Variants in ANKRD44 observed in about 807,000 individuals in gnomAD.
ANKRD44 encodes serine/threonine-protein phosphatase 6 regulatory ankyrin repeat subunit B.
Under a neutral mutation model 116.0 loss-of-function variants are expected in ANKRD44, and 35 were observed. The ratio of observed to expected loss-of-function variants is 0.30; its 90% confidence interval spans 0.23 to 0.40. The LOEUF is 0.40. ANKRD44 is among the 10% of genes least tolerant of loss of function. The probability of loss-of-function intolerance (pLI) is 1.00; values close to 1 mark genes in which losing one functional copy is unlikely to be tolerated. For synonymous variants in ANKRD44, 435 were observed against 461.8 expected, an observed-to-expected ratio of 0.94 and a Z score of 0.74; for missense variants, 1,014 against 1,242.6, an observed-to-expected ratio of 0.82 and a Z score of 2.77.
chr2:196,974,904 A>G (rs1188382606), intron 21 of ANKRD44, among the ~76,000 whole-genome samples: 1 of 152,038 alleles, frequency 6.6e-6, no homozygotes, highest in Non-Finnish European at 1.5e-5. Context: ...AAAAAAAGAA[A>G]AAGAAAACGA....
chr2:197,274,960 G>C (rs2083030596), intron 1 of ANKRD44, among the ~76,000 whole-genome samples: 1 of 152,048 alleles, frequency 6.6e-6, no homozygotes, highest in African/African-American at 2.4e-5. Flanking sequence ...AAATTAGCCA[G>C]GTGTGGTGGC....
intron 7 of ANKRD44, 27 bp downstream of exon 7, chr2:197,122,623 T>C (rs1389727794): frequency 1.8e-5 from 29 of 1,607,060 alleles, no homozygotes; most frequent in Non-Finnish European, 2.4e-5. Flanking sequence ...ACACTGGCCA[T>C]GCATTGATGC....
At chr2:197,055,507 A>C (rs1407856384) in intron 16 of ANKRD44, among the ~76,000 whole-genome samples, 2 of 152,228 alleles carry the variant, frequency 1.3e-5, no homozygotes, top group Non-Finnish European at 2.9e-5. Context: ...ATCTTATTAA[A>C]AAATCTTTTT....
intron 2 of ANKRD44, among the ~76,000 whole-genome samples, chr2:197,159,672 T>C (rs1435477767): frequency 2.0e-5 from 3 of 152,234 alleles, no homozygotes; most frequent in African/African-American, 7.2e-5. Context: ...CATGGCAAAA[T>C]TGTAATTTGT....
chr2:197,077,351 T>C (rs2077692040), intron 16 of ANKRD44, among the ~76,000 whole-genome samples: 1 of 152,174 alleles, frequency 6.6e-6, no homozygotes, highest in African/African-American at 2.4e-5. Context: ...CCCTATTCCC[T>C]TTTCCCTCCT....
chr2:197,038,400 C>T (rs113456515), intron 16 of ANKRD44, among the ~76,000 whole-genome samples: 145 of 152,240 alleles, frequency 9.5e-4, no homozygotes, highest in Non-Finnish European at 1.0e-3. Context: ...AACAAATAAA[C>T]AAACCTGACC....
intron 19 of ANKRD44, among the ~76,000 whole-genome samples, chr2:197,008,630 T>C (rs149942897): frequency 1.3e-5 from 2 of 152,252 alleles, no homozygotes; most frequent in African/African-American, 4.8e-5. Context: ...GGCAATGGTG[T>C]AGCAGCTTCA....
At chr2:197,080,785 C>CTGT (rs2077776323) in intron 15 of ANKRD44, among the ~76,000 whole-genome samples, 1 of 152,038 alleles carries the variant, frequency 6.6e-6, no homozygotes, top group Non-Finnish European at 1.5e-5. Flanking sequence ...CACAGGCATT[C>CTGT]GGGCCACAGA....
chr2:197,141,067 A>G (rs919761653), intron 3 of ANKRD44, among the ~76,000 whole-genome samples: 8 of 152,172 alleles, frequency 5.3e-5, no homozygotes, highest in Admixed American at 5.2e-4. Flanking sequence ...AGATACAAAA[A>G]TTAGCTGGGC....
intron 1 of ANKRD44, among the ~76,000 whole-genome samples, chr2:197,190,714 A>G (rs1272826044): frequency 6.6e-6 from 1 of 152,230 alleles, no homozygotes; most frequent in African/African-American, 2.4e-5. Context: ...TATTCTAATT[A>G]CAATATTCTT....
intron 1 of ANKRD44, among the ~76,000 whole-genome samples, chr2:197,234,683 T>C (rs1302296697): frequency 1.3e-5 from 2 of 152,216 alleles, no homozygotes; most frequent in African/African-American, 4.8e-5. Context: ...TTGATAACAA[T>C]TTGGTGGTTC....
chr2:197,308,694 T>C (rs1167294009), intron 1 of ANKRD44, among the ~76,000 whole-genome samples: 1 of 152,228 alleles, frequency 6.6e-6, no homozygotes, highest in Non-Finnish European at 1.5e-5. Context: ...CTTGGAAACA[T>C]CTTAAAAGGC....
intron 9 of ANKRD44, among the ~76,000 whole-genome samples, chr2:197,102,905 T>A (rs1241428577): frequency 6.6e-6 from 1 of 152,342 alleles, no homozygotes; most frequent in East Asian, 1.9e-4. Flanking sequence ...GTTTTGTTTT[T>A]AATTTTTGAT....
chr2:197,181,265 G>C (rs192342492), intron 2 of ANKRD44, among the ~76,000 whole-genome samples: 4 of 152,096 alleles, frequency 2.6e-5, no homozygotes, highest in Non-Finnish European at 4.4e-5. Flanking sequence ...TGATCAACTT[G>C]GGGACAATTC....
At chr2:196,993,191 A>G (rs1449779739) in intron 27 of ANKRD44, among the ~76,000 whole-genome samples, 3 of 152,204 alleles carry the variant, frequency 2.0e-5, no homozygotes, top group Admixed American at 6.5e-5. Context: ...CTTAAATACA[A>G]TCAAAGATCC....
chr2:197,236,816 C>A (rs371118711), intron 1 of ANKRD44, among the ~76,000 whole-genome samples: 30 of 152,048 alleles, frequency 2.0e-4, no homozygotes, highest in African/African-American at 6.8e-4. Flanking sequence ...CCACTTCAGT[C>A]CTGAGTTTGT....
chr2:197,246,350 CTTTTTTTTTTT>C (rs67655796), intron 1 of ANKRD44, among the ~76,000 whole-genome samples: 5 of 65,868 alleles, frequency 7.6e-5, no homozygotes, highest in South Asian at 7.5e-4. Flanking sequence ...CTACATCTGG[CTTTTTTTTTTT>C]TTTTTTTTTT....
chr2:197,267,679 C>A (rs1173723841), intron 1 of ANKRD44, among the ~76,000 whole-genome samples: 3 of 152,218 alleles, frequency 2.0e-5, no homozygotes, highest in African/African-American at 7.2e-5. Flanking sequence ...TATCTGAAAA[C>A]AATGGCTCCA....
chr2:197,110,114 T>G (rs2078530710), intron 9 of ANKRD44, among the ~76,000 whole-genome samples: 10 of 152,058 alleles, frequency 6.6e-5, no homozygotes, highest in Admixed American at 6.6e-4. Context: ...GTAGCTGGGA[T>G]TATAGGCACC....
Sources: allele counts gnomAD v4.1 joint callset (sites outside exome capture counted in the v4.1 genomes callset), GRCh38; gene constraint gnomAD v4.1.1; transcripts MANE v1.5; gene names NCBI Gene and HGNC (gene_info 2026-07-23, HGNC 2026-07-21).